Variants in KRT16 observed in about 807,000 individuals in gnomAD.
KRT16 encodes keratin, type I cytoskeletal 16.
In KRT16, 42 loss-of-function variants were observed where a neutral mutation model predicts 44.8. The observed-to-expected ratio is 0.94, with a 90% CI of 0.73 to 1.21. KRT16 has a LOEUF of 1.21. Ranked by LOEUF, KRT16 falls within the 50% of genes most tolerant of loss-of-function variation. The pLI is 0.00. For synonymous variants in KRT16, 226 were observed against 260.4 expected (o/e 0.87, Z 1.27); for missense variants, 561 against 626.9 (o/e 0.89, Z 1.12).
rs753404521 is a variant in KRT16 at position 41,611,134 on chromosome 17, G to A, written c.868C>T (p.Arg290Cys). Residue 290 changes from arginine (R) to cysteine (C), a missense_variant, in exon 4 of 8, where the codon CGT (arginine) becomes TGT (cysteine). Physicochemically the swap from Arg to Cys is radical, Grantham distance 180. Transcript: ENST00000301653. ...VDLSRILNEM[R>C]DQYEQMAEKN... ...TCTGCCATCTGCTCGTACTGGTCACGCATCTCATTCAGGATGCGGCTCAGG... is the reference window on the plus strand; with the variant it reads ...TCTGCCATCTGCTCGTACTGGTCACACATCTCATTCAGGATGCGGCTCAGG... 5.1e-5 allele frequency: 82 copies of A among 1,613,858 alleles called. No individual in the cohort carries two copies. The highest frequency in any genetic ancestry group is 6.2e-5 in the Non-Finnish European group (73 of 1,179,878).
rs1353076665 is a variant in KRT16 at position 41,611,387 on chromosome 17, G to T, written c.729C>A (p.Gly243=). 3 of 1,614,158 alleles carry T rather than the reference G, an allele frequency of 1.9e-6. No individual in the cohort carries two copies. The Admixed American group carries it at 5.0e-5, about 27-fold the overall frequency. ...TCAGGTAGGCCAGCTCCTCCTTCAG[G>T]CCTTCGATCTGCATCTCCAGGTCAG... ...ARTDLEMQIE[G]LKEELAYLRK... Residue 243 remains glycine (G), a synonymous_variant, in exon 3 of 8, where the codon GGC becomes GGA. Coordinates refer to ENST00000301653, the MANE Select transcript of KRT16 (RefSeq NM_005557.4).
chr17:41,610,569 A>T lies in KRT16; in HGVS notation c.1060-18T>A, dbSNP rs780475822. 1 of 1,611,494 alleles carries T rather than the reference A, an allele frequency of 6.2e-7. No individual in the cohort carries two copies. The highest frequency in any genetic ancestry group is 8.5e-7 in the Non-Finnish European group (1 of 1,179,516). Reference sequence around the variant, plus strand: ...GATGCTTTCTGCAAGTGAGAGAGAGAAAAAGAGTCCATGGAGGTGGTCACT... The same window carrying T: ...GATGCTTTCTGCAAGTGAGAGAGAGTAAAAGAGTCCATGGAGGTGGTCACT... On this transcript the variant is annotated intron_variant, in intron 5 of 7. Coordinates refer to ENST00000301653, the MANE Select transcript of KRT16 (RefSeq NM_005557.4).
intron 7 of KRT16, 41 bp from the exon 8 acceptor site, chr17:41,610,070 C>A: frequency 2.5e-6 from 4 of 1,577,630 alleles, no homozygotes; most frequent in Non-Finnish European, 3.5e-6. Flanking sequence ...GGTCTGAGAG[C>A]TAAGCTGACT....
At position 41,612,172 on chromosome 17, in the gene KRT16, C is replaced by A; in HGVS notation, c.517G>T (p.Asp173Tyr). ...DYSPYFKTIEDLRNKIIAATI... is the reference protein window; with the variant it reads ...DYSPYFKTIEYLRNKIIAATI... ...AAGTCACCCACCTTGTTCCTCAGGT[C>A]CTCGATGGTCTTGAAGTAGGGACTG... The change falls in exon 1 of 8, where the codon GAC becomes TAC. Residue 173 changes from aspartate to tyrosine, a missense_variant. Asp to Tyr is a radical substitution (Grantham distance 160). Coordinates refer to ENST00000301653, the MANE Select transcript of KRT16 (RefSeq NM_005557.4). 2 of 1,612,268 alleles carry A rather than the reference C, an allele frequency of 1.2e-6. No individual in the cohort carries two copies. The highest frequency in any genetic ancestry group is 8.5e-7 in the Non-Finnish European group (1 of 1,179,910).
At position 41,610,547 on chromosome 17, in the gene KRT16, G is replaced by A. The variant is rs751757007; in HGVS notation, c.1064C>T (p.Ala355Val). 1.2e-6 allele frequency: 2 copies of A among 1,612,052 alleles called. No homozygotes were observed. Among genetic ancestry groups the A allele is most frequent in the Admixed American group, 3.3e-5 (2 of 60,018 alleles). The part of the protein sequence containing the change: ...IELQSQLSMK[A>V]SLENSLEETK... The stretch of plus-strand genomic sequence containing the variant: ...CTCCTCCAGGCTGTTCTCCAGGGAT[G>A]CTTTCTGCAAGTGAGAGAGAGAAAA... The change falls in exon 6 of 8, where the codon GCA becomes GTA. Residue 355 changes from alanine (A) to valine (V), a missense_variant. Physicochemically the swap from Ala to Val is moderately conservative, Grantham distance 64 (BLOSUM62 0). Coordinates refer to ENST00000301653, the MANE Select transcript of KRT16 (RefSeq NM_005557.4).
Position 41,612,502 on chromosome 17 carries a change from C to A in KRT16, c.187G>T (p.Gly63Trp), listed in dbSNP as rs773632453. The change falls in exon 1 of 8, where the codon GGG becomes TGG. Residue 63 changes from glycine to tryptophan, a missense_variant. Physicochemically the swap from Gly to Trp is radical, Grantham distance 184. Coordinates refer to ENST00000301653, the MANE Select transcript of KRT16 (RefSeq NM_005557.4). ...SSRFSSGGAC[G>W]LGGGYGGGFS... ...CCACCGCCATAGCCGCCCCCCAGCC[C>A]GCAGGCTCCCCCAGAGGAGAAGCGA... 1 of 1,605,358 alleles carries A rather than the reference C, an allele frequency of 6.2e-7. No homozygotes were observed. The highest frequency in any genetic ancestry group is 1.1e-5 in the South Asian group (1 of 90,510).
chr17:41,609,927 G>C lies in KRT16; in HGVS notation c.*8C>G, dbSNP rs556892497. 6.7e-5 allele frequency: 108 copies of C among 1,610,916 alleles called. No individual in the cohort carries two copies. Among genetic ancestry groups the C allele is most frequent in the Non-Finnish European group, 5.9e-6 (7 of 1,179,198 alleles). ...TGGGCAGGAGGCTGTGGTAGAGGCA[G>C]CTCAGTTCTAGGAGCTCTGGCCCTG... is the stretch of plus-strand genomic sequence containing the variant. On this transcript the variant is annotated 3_prime_UTR_variant, in exon 8 of 8. Transcript: ENST00000301653.
chr17:41,611,232 T>G lies in KRT16; in HGVS notation c.772-2A>C. ...CTGACCTCTCAGAGCAAGCATCTCC[T>G]GGGAAGGGATGGCAGGAGGCGGTCA... On this transcript the variant is annotated splice_acceptor_variant, in intron 3 of 7. Coordinates refer to ENST00000301653, the MANE Select transcript of KRT16 (RefSeq NM_005557.4). LOFTEE classifies it high-confidence loss of function. The G allele has an allele frequency of 6.2e-7, 1 of 1,613,980 alleles. No homozygotes were observed. Among genetic ancestry groups the G allele is most frequent in the Non-Finnish European group, 8.5e-7 (1 of 1,179,862 alleles).
In KRT16 at chr17:41,612,475, A is replaced by C; in HGVS notation, c.214T>G (p.Phe72Val). Residue 72 changes from phenylalanine (F) to valine (V), a missense_variant, in exon 1 of 8, where the codon TTC becomes GTC. Transcript: ENST00000301653. ...CGLGGGYGGG[F>V]SSSSSFGSGF... Reference sequence around the variant, plus strand: ...CTACCAAAGCTGCTGCTGCTGCTGAAGCCACCGCCATAGCCGCCCCCCAGC... The same window carrying C: ...CTACCAAAGCTGCTGCTGCTGCTGACGCCACCGCCATAGCCGCCCCCCAGC... 6.2e-7 allele frequency: 1 copy of C among 1,608,390 alleles called. No individual in the cohort carries two copies. The highest frequency in any genetic ancestry group is 8.5e-7 in the Non-Finnish European group (1 of 1,176,972).
At position 41,611,246 on chromosome 17, in the gene KRT16, A is replaced by C; in HGVS notation, c.772-16T>G. 5 of 1,613,982 alleles carry C rather than the reference A, an allele frequency of 3.1e-6. No homozygotes were observed. Among genetic ancestry groups the C allele is most frequent in the Non-Finnish European group, 4.2e-6 (5 of 1,179,860 alleles). ...CAAGCATCTCCTGGGAAGGGATGGC[A>C]GGAGGCGGTCAGTTCAGCAGACTTC... On this transcript the variant is annotated splice_polypyrimidine_tract_variant and intron_variant, in intron 3 of 7. Transcript: ENST00000301653.
At position 41,610,548 on chromosome 17, in the gene KRT16, C is replaced by T. The variant is rs757273464; in HGVS notation, c.1063G>A (p.Ala355Thr). ...TCCTCCAGGCTGTTCTCCAGGGATG[C>T]TTTCTGCAAGTGAGAGAGAGAAAAA... The part of the protein sequence containing the change: ...IELQSQLSMK[A>T]SLENSLEETK... Residue 355 changes from alanine to threonine, a missense_variant, in exon 6 of 8, where the codon GCA (alanine) becomes ACA (threonine). Coordinates refer to ENST00000301653, the MANE Select transcript of KRT16 (RefSeq NM_005557.4). 4.3e-6 allele frequency: 7 copies of T among 1,611,916 alleles called. No homozygotes were observed. The highest frequency in any genetic ancestry group is 5.9e-6 in the Non-Finnish European group (7 of 1,179,874).
intron 5 of KRT16, 64 bp downstream of exon 5, chr17:41,610,790 T>G: frequency 1.2e-6 from 2 of 1,608,550 alleles, no homozygotes; most frequent in Non-Finnish European, 1.7e-6. Context: ...GACTGTGGCT[T>G]TTTGAGGGGG....
Position 41,611,461 on chromosome 17 carries a change from C to T in KRT16, c.655G>A (p.Asp219Asn), listed in dbSNP as rs572592608. The T allele has an allele frequency of 8.1e-6, 13 of 1,614,108 alleles. No individual in the cohort carries two copies. In the East Asian group the frequency reaches 2.0e-4, roughly 25 times the overall value. Reference protein sequence around the residue: ...ELALRQTVEADVNGLRRVLDE... With the variant: ...ELALRQTVEANVNGLRRVLDE... ...AACACCCGGCGCAGGCCATTGACGT[C>T]GGCCTCCACAGTCTGCCGCAGGGCC... Residue 219 changes from aspartate to asparagine, a missense_variant, in exon 3 of 8, where the codon GAC (aspartate) becomes AAC (asparagine). Asp to Asn is a conservative substitution (Grantham distance 23, BLOSUM62 1). Coordinates refer to ENST00000301653, the MANE Select transcript of KRT16 (RefSeq NM_005557.4).
At chr17:41,611,932 T>C (rs1908215669) in intron 1 of KRT16, 1 of 782,114 alleles carries the variant, frequency 1.3e-6, no homozygotes, top group Non-Finnish European at 2.2e-6. Flanking sequence ...AAGCTGAACT[T>C]GCAGCTGAAC....
chr17:41,611,005 G>A, intron 4 of KRT16, 26 bp from the exon 5 acceptor site: 1 of 1,614,040 alleles, frequency 6.2e-7, no homozygotes, highest in Admixed American at 1.7e-5. Context: ...AGAGTGAAAG[G>A]TGAGGCTCTC....
In KRT16 at chr17:41,610,472, C is replaced by T; in HGVS notation, c.1139G>A (p.Gly380Asp). 1.9e-6 allele frequency: 3 copies of T among 1,612,200 alleles called. No homozygotes were observed. Among genetic ancestry groups the T allele is most frequent in the Non-Finnish European group, 2.5e-6 (3 of 1,179,874 alleles). Residue 380 changes from glycine to aspartate, a missense_variant, in exon 6 of 8, where the codon GGC (glycine) becomes GAC (aspartate). Transcript: ENST00000301653. Reference protein sequence around the residue: ...MQLSQIQGLIGSVEEQLAQLR... With the variant: ...MQLSQIQGLIDSVEEQLAQLR... ...CTGGGCCAGCTGCTCCTCCACACTGCCAATCAGTCCCTGGATCTGGGACAG... is the reference window on the plus strand; with the variant it reads ...CTGGGCCAGCTGCTCCTCCACACTGTCAATCAGTCCCTGGATCTGGGACAG...
Position 41,610,348 on chromosome 17 carries a change from C to A in KRT16, c.1263G>T (p.Leu421=). 1.2e-6 allele frequency: 2 copies of A among 1,612,850 alleles called. No individual in the cohort carries two copies. The highest frequency in any genetic ancestry group is 1.7e-6 in the Non-Finnish European group (2 of 1,179,864). The change falls in exon 6 of 8, where the codon CTG becomes CTT. Residue 421 remains leucine, a synonymous_variant. Transcript: ENST00000301653. ...EQEIATYRRL[L]EGEDAHLSSQ... ...GGACTCACTGGGCATCCTCGCCCTCCAGCAGGCGGCGGTAGGTGGCAATCT... is the reference window on the plus strand; with the variant it reads ...GGACTCACTGGGCATCCTCGCCCTCAAGCAGGCGGCGGTAGGTGGCAATCT...
In KRT16 at chr17:41,610,982, G is replaced by C; in HGVS notation, c.934-3C>G. 6.2e-7 allele frequency: 1 copy of C among 1,614,088 alleles called. No homozygotes were observed. Among genetic ancestry groups the C allele is most frequent in the Non-Finnish European group, 8.5e-7 (1 of 1,179,958 alleles). Reference sequence around the variant, plus strand: ...ACTTCTTTGTTCAGCTCCTCGGTCTGAGGCAGGAAAGCAGAGTGAAAGGTG... The same window carrying C: ...ACTTCTTTGTTCAGCTCCTCGGTCTCAGGCAGGAAAGCAGAGTGAAAGGTG... On this transcript the variant is annotated splice_polypyrimidine_tract_variant and splice_region_variant and intron_variant, in intron 4 of 7. Transcript: ENST00000301653.
In KRT16 at chr17:41,611,323, C is replaced by G. The variant is rs180738664; in HGVS notation, c.771+22G>C. The G allele has an allele frequency of 1.3e-5, 21 of 1,614,048 alleles. No individual in the cohort carries two copies. In the South Asian group the frequency reaches 2.3e-4, roughly 18 times the overall value. On this transcript the variant is annotated intron_variant, in intron 3 of 7. Transcript: ENST00000301653. The stretch of plus-strand genomic sequence containing the variant: ...ACCCCACCAAACCAGCCTCCCACCC[C>G]GGAAGCCAGCAGCGACCGTACCTCC...
Sources: gnomAD v4.1 joint callset for allele counts on GRCh38, gnomAD v4.1.1 for gene constraint, MANE v1.5 for transcripts, NCBI Gene and HGNC (gene_info 2026-07-23, HGNC 2026-07-21) for gene names.